The following CC2D2A variants were observed in gnomAD, a reference collection of about 807,000 sequenced individuals.
CC2D2A encodes the protein coiled-coil and C2 domain-containing protein 2A.
CC2D2A carries 155 observed loss-of-function variants against 212.9 expected under a neutral mutation model. That is an observed-to-expected ratio of 0.73 (90% confidence interval 0.64 to 0.83). The LOEUF is 0.83. Ranked by LOEUF, CC2D2A falls within the 40% of genes least tolerant of loss-of-function variation. The pLI, the probability that CC2D2A is intolerant of heterozygous loss-of-function variation, is 0.00. For missense variants in CC2D2A, 1,856 were observed against 1,956.2 expected, an observed-to-expected ratio of 0.95 and a Z score of 0.97; for synonymous variants, 667 against 686.5, an observed-to-expected ratio of 0.97 and a Z score of 0.44.
intron 4 of CC2D2A, among the ~76,000 whole-genome samples, chr4:15,496,443 A>G (rs1417036598): frequency 1.3e-5 from 2 of 152,262 alleles, no homozygotes; most frequent in South Asian, 4.1e-4. Flanking sequence ...GCACATGGCT[A>G]GCCAGTTATC....
chr4:15,601,403 CCT>C lies in CC2D2A; in HGVS notation c.4846_4847del (p.Leu1616TyrfsTer20). 6.5e-7 allele frequency: 1 copy of C among 1,544,020 alleles called. No homozygotes were observed. Among genetic ancestry groups the C allele is most frequent in the Non-Finnish European group, 8.8e-7 (1 of 1,141,248 alleles). ...GTTTTGTCTGTTTGGATCTATGTTGCCTCTCTTATACGCAACAGGTAATTTTT... is the reference window on the plus strand; with the variant it reads ...GTTTTGTCTGTTTGGATCTATGTTGCCTCTTATACGCAACAGGTAATTTTT... On this transcript the variant is annotated frameshift_variant, in exon 37 of 37. Transcript: ENST00000424120. LOFTEE classifies it high-confidence loss of function.
intron 3 of CC2D2A, 141 bp downstream of exon 3, chr4:15,478,947 C>A: frequency 1.4e-6 from 1 of 720,606 alleles, no homozygotes; most frequent in East Asian, 2.7e-5. Context: ...GGCTGTGAGG[C>A]GGGGATGCAG....
chr4:15,584,490 A>C (rs1360915658), intron 30 of CC2D2A, among the ~76,000 whole-genome samples: 1 of 152,228 alleles, frequency 6.6e-6, no homozygotes, highest in Non-Finnish European at 1.5e-5. Flanking sequence ...CACCATATAC[A>C]AAAATCAACT....
At chr4:15,566,201 T>G (rs1560185998) in intron 24 of CC2D2A, among the ~76,000 whole-genome samples, 2 of 152,136 alleles carry the variant, frequency 1.3e-5, no homozygotes, top group African/African-American at 4.8e-5. Context: ...GAACAGCAGT[T>G]GAGAAGGGAG....
At chr4:15,475,993 C>G (rs898905839) in intron 2 of CC2D2A, 22 bp downstream of exon 2, 3 of 1,581,840 alleles carry the variant, frequency 1.9e-6, no homozygotes, top group Non-Finnish European at 2.6e-6. Flanking sequence ...CTTTGATGTC[C>G]TCTAGGGATG....
intron 35 of CC2D2A, among the ~76,000 whole-genome samples, chr4:15,598,338 G>A (rs1721409922): frequency 6.6e-6 from 1 of 152,104 alleles, no homozygotes; most frequent in African/African-American, 2.4e-5. Flanking sequence ...AGCTAGCTAG[G>A]TCTCTAAACC....
chr4:15,555,091 G>GC lies in CC2D2A; in HGVS notation c.2508dup (p.Ile837HisfsTer28). 6.2e-7 allele frequency: 1 copy of GC among 1,612,644 alleles called. No individual in the cohort carries two copies. Reference sequence around the variant, plus strand: ...TTTCAGTGCTTTGAAGAAAGCAGATGCCATCTCATCTATTGGCACATCAGG... The same window carrying GC: ...TTTCAGTGCTTTGAAGAAAGCAGATGCCCATCTCATCTATTGGCACATCAGG... On this transcript the variant is annotated frameshift_variant, in exon 20 of 37. Coordinates refer to ENST00000424120, the MANE Select transcript of CC2D2A (RefSeq NM_001378615.1). LOFTEE classifies it high-confidence loss of function.
intron 11 of CC2D2A, chr4:15,519,352 T>C (rs1265933399): frequency 2.4e-6 from 1 of 415,604 alleles, no homozygotes; most frequent in Admixed American, 2.7e-5. Flanking sequence ...TCCATATTAT[T>C]ATCAGCATTT....
chr4:15,488,008 G>A (rs998616784), intron 4 of CC2D2A, among the ~76,000 whole-genome samples: 1 of 151,790 alleles, frequency 6.6e-6, no homozygotes, highest in Non-Finnish European at 1.5e-5. Flanking sequence ...TTTTTGTACT[G>A]TCTATCTCTT....
At chr4:15,505,672 G>A (rs2109001527) in intron 6 of CC2D2A, among the ~76,000 whole-genome samples, 1 of 152,280 alleles carries the variant, frequency 6.6e-6, no homozygotes, top group South Asian at 2.1e-4. Flanking sequence ...TTAGTCCATG[G>A]CTTTCTTTGA....
chr4:15,576,383 T>C (rs562278615), intron 29 of CC2D2A: 126 of 984,770 alleles, frequency 1.3e-4, no homozygotes, highest in Admixed American at 3.1e-4. Context: ...GATTAGCAGA[T>C]TAGAGTCTCT....
rs768822663 is a variant in CC2D2A at position 15,586,237 on chromosome 4, C to T, written c.4056C>T (p.Ser1352=). The change falls in exon 31 of 37, where the codon AGC becomes AGT. Residue 1352 remains serine, a synonymous_variant. Transcript: ENST00000424120. Reference sequence around the variant, plus strand: ...TTGGTGGTATCTGTGACCTCTGGAGCACATCTGATGTAAGTAGTTCTTCTT... The same window carrying T: ...TTGGTGGTATCTGTGACCTCTGGAGTACATCTGATGTAAGTAGTTCTTCTT... ...VSFGGICDLW[S]TSDQFLDLLA... is the part of the protein sequence containing the mutation. 6.2e-7 allele frequency: 1 copy of T among 1,600,584 alleles called. No individual in the cohort carries two copies. Among genetic ancestry groups the T allele is most frequent in the East Asian group, 2.2e-5 (1 of 44,526 alleles).
chr4:15,483,357 C>T (rs959833819), intron 4 of CC2D2A, among the ~76,000 whole-genome samples: 1 of 152,108 alleles, frequency 6.6e-6, no homozygotes, highest in Non-Finnish European at 1.5e-5. Context: ...GGAGGATTCC[C>T]AATTCAGGTC....
intron 1 of CC2D2A, among the ~76,000 whole-genome samples, chr4:15,470,685 CTCTCTATATATATATATATATATATATA>C (rs1440917197): frequency 5.7e-4 from 23 of 40,564 alleles, no homozygotes; most frequent in Admixed American, 1.9e-3. Flanking sequence ...CTCTCTCTCT[CTCTCTATATATATATATATATATATATA>C]TATATATATA....
At chr4:15,600,807 G>T (rs1190136833) in intron 36 of CC2D2A, among the ~76,000 whole-genome samples, 1 of 151,748 alleles carries the variant, frequency 6.6e-6, no homozygotes, top group African/African-American at 2.4e-5. Context: ...AGGCTAAAGT[G>T]GGGGGACCAT....
At position 15,528,261 on chromosome 4, in the gene CC2D2A, C is replaced by G. The variant is rs796505129; in HGVS notation, c.1360-359C>G. Reference sequence around the variant, plus strand: ...CTGTAATTTTATAGTTTCTTTATATCACAAGAATACCATCATATGTCCTGG... The same window carrying G: ...CTGTAATTTTATAGTTTCTTTATATGACAAGAATACCATCATATGTCCTGG... On this transcript the variant is annotated intron_variant, in intron 12 of 36. Transcript: ENST00000424120. Among the ~76,000 whole-genome samples the G allele has an allele frequency of 5.9e-5, 9 of 152,308 alleles. 1 individual carries two copies. Among genetic ancestry groups the G allele is most frequent in the African/African-American group, 2.2e-4 (9 of 41,566 alleles).
rs766042434 is a variant in CC2D2A at position 15,480,823 on chromosome 4, A to G, written c.243A>G (p.Pro81=). The change falls in exon 4 of 37, where the codon CCA becomes CCG. Residue 81 remains proline, a synonymous_variant. Coordinates refer to ENST00000424120, the MANE Select transcript of CC2D2A (RefSeq NM_001378615.1). The part of the protein sequence containing the change: ...RLLSMTVRRG[P]RSLPPIPSTS... ...TGAGTATGACAGTCCGGAGAGGCCC[A>G]CGGAGTAAGTGCCCCTCTTCCATTC... The G allele has an allele frequency of 4.3e-5, 69 of 1,611,754 alleles. No homozygotes were observed. Among genetic ancestry groups the G allele is most frequent in the Non-Finnish European group, 5.7e-5 (67 of 1,178,706 alleles).
chr4:15,480,594 T>C (rs1714566506), intron 3 of CC2D2A, 110 bp from the exon 4 acceptor site: 1 of 1,209,878 alleles, frequency 8.3e-7, no homozygotes, highest in Non-Finnish European at 1.1e-6. Context: ...GTTATCCAGA[T>C]GTGAATAGTA....
At chr4:15,593,450 C>T (rs754262646) in intron 33 of CC2D2A, among the ~76,000 whole-genome samples, 1 of 152,172 alleles carries the variant, frequency 6.6e-6, no homozygotes, top group Non-Finnish European at 1.5e-5. Context: ...TATAATTCCT[C>T]CCAGGGAATA....
Sources: allele counts gnomAD v4.1 joint callset (sites outside exome capture counted in the v4.1 genomes callset), GRCh38; gene constraint gnomAD v4.1.1; transcripts MANE v1.5; gene names NCBI Gene and HGNC (gene_info 2026-07-23, HGNC 2026-07-21).